PAIP1: variants seen among roughly 807,000 people sequenced by gnomAD.
PAIP1 encodes the protein poly(A) binding protein interacting protein 1, also known as polyadenylate-binding protein-interacting protein 1.
Under a neutral mutation model 61.3 loss-of-function variants are expected in PAIP1, and 16 were observed. The ratio of observed to expected loss-of-function variants is 0.26; its 90% CI spans 0.18 to 0.40. The LOEUF is 0.40. Among genes scored for constraint, PAIP1 ranks in the 10% least tolerant of loss-of-function variants. PAIP1 has a pLI of 1.00. For synonymous variants in PAIP1, 187 were observed against 226.2 expected (o/e 0.83, Z 1.56); for missense variants, 416 against 600.9 (o/e 0.69, Z 3.22).
chr5:43,553,522 G>A (rs959268227), intron 2 of PAIP1, among the ~76,000 whole-genome samples: 4 of 152,144 alleles, frequency 2.6e-5, no homozygotes, highest in African/African-American at 9.7e-5. Flanking sequence ...ATAAGTACTT[G>A]ACTATTTGTT....
chr5:43,547,986 G>T, intron 2 of PAIP1, 73 bp from the exon 3 acceptor site: 1 of 870,622 alleles, frequency 1.1e-6, no homozygotes, highest in Non-Finnish European at 1.8e-6. Context: ...TATGTCTCTA[G>T]CACAAATGCT....
chr5:43,527,682 G>C (rs1746759554), intron 10 of PAIP1, among the ~76,000 whole-genome samples: 1 of 152,040 alleles, frequency 6.6e-6, no homozygotes, highest in East Asian at 1.9e-4. Context: ...CCTTGTGTGT[G>C]AAATTATAGT....
intron 3 of PAIP1, among the ~76,000 whole-genome samples, chr5:43,545,493 C>T (rs1361492243): frequency 6.6e-6 from 1 of 152,180 alleles, no homozygotes; most frequent in Non-Finnish European, 1.5e-5. Flanking sequence ...TTTTTAGATT[C>T]TCAAGCAATC....
chr5:43,542,766 C>T (rs571434358), intron 4 of PAIP1, among the ~76,000 whole-genome samples: 87 of 152,172 alleles, frequency 5.7e-4, no homozygotes, highest in African/African-American at 2.0e-3. Context: ...ATAAGAATTA[C>T]ATAAGTGTTT....
In PAIP1 at chr5:43,536,695, A is replaced by G. The variant is rs1044139637; in HGVS notation, c.972+124T>C. 3.2e-5 allele frequency: 16 copies of G among 500,248 alleles called. No homozygotes were observed. The African/African-American group carries it at 3.2e-4, about 10-fold the overall frequency. The allele number at this position is 500,248 out of a possible 1,614,324, so 31.0% of individuals were successfully genotyped here. A position where few individuals can be genotyped will look rare whatever the true frequency, so the allele number is the denominator to read the frequency against. On this transcript the variant is annotated intron_variant, in intron 6 of 10. Coordinates refer to ENST00000306846, the MANE Select transcript of PAIP1 (RefSeq NM_006451.5). The stretch of plus-strand genomic sequence containing the variant: ...GCTTTTCCAAAATATTCGAGAAAAA[A>G]GTAAAATGTCAATATTTACCTTAAA...
chr5:43,539,597 C>G (rs773316094), intron 4 of PAIP1, among the ~76,000 whole-genome samples: 2 of 151,952 alleles, frequency 1.3e-5, no homozygotes, highest in African/African-American at 2.4e-5. Context: ...CCATTAAAAC[C>G]ACAATATAGA....
At chr5:43,535,030 A>G (rs1369770104) in intron 7 of PAIP1, 60 bp from the exon 8 acceptor site, 1 of 871,114 alleles carries the variant, frequency 1.1e-6, no homozygotes, top group Non-Finnish European at 1.9e-6. Context: ...AGACCCTAAA[A>G]TATCTCAGAT....
At chr5:43,540,703 AG>A (rs1747364188) in intron 4 of PAIP1, among the ~76,000 whole-genome samples, 1 of 152,228 alleles carries the variant, frequency 6.6e-6, no homozygotes, top group South Asian at 2.1e-4. Flanking sequence ...TTAGCTCACT[AG>A]TATTTCTCTA....
intron 3 of PAIP1, among the ~76,000 whole-genome samples, chr5:43,545,414 T>C (rs940255093): frequency 3.9e-5 from 6 of 152,230 alleles, no homozygotes; most frequent in African/African-American, 1.4e-4. Flanking sequence ...CCTTTGTTAA[T>C]TTCATAAGAA....
chr5:43,553,974 C>T (rs1405045662), intron 2 of PAIP1, among the ~76,000 whole-genome samples: 1 of 152,140 alleles, frequency 6.6e-6, no homozygotes, highest in Non-Finnish European at 1.5e-5. Flanking sequence ...AAAGAAAAAA[C>T]AAACCCATTC....
chr5:43,527,491 A>C (rs750574487), intron 10 of PAIP1, 22 bp from the exon 11 acceptor site: 2 of 1,588,448 alleles, frequency 1.3e-6, no homozygotes, highest in Non-Finnish European at 8.6e-7. Flanking sequence ...AAGATGATTC[A>C]TAAGTGTAAG....
chr5:43,548,525 GC>G lies in PAIP1; in HGVS notation c.436-613del, dbSNP rs542852307. Among the ~76,000 whole-genome samples the G allele has an allele frequency of 2.6e-5, 4 of 152,318 alleles. No individual in the cohort carries two copies. In the South Asian group the frequency reaches 8.3e-4, roughly 32 times the overall value. ...ATAAATGGAAGGAGACCTTTTGGCT[GC>G]TACATCCAGGTTGCTAACACAACCT... On this transcript the variant is annotated intron_variant, in intron 2 of 10. Transcript: ENST00000306846.
At chr5:43,541,924 C>T (rs930101246) in intron 4 of PAIP1, among the ~76,000 whole-genome samples, 4 of 152,048 alleles carry the variant, frequency 2.6e-5, no homozygotes, top group African/African-American at 9.7e-5. Context: ...CGCCTGTAAT[C>T]CCAGCACTTT....
In PAIP1 at chr5:43,531,656, C is replaced by CAAAAAAAAAAAA. The variant is rs369954867; in HGVS notation, c.1253-1789_1253-1778dup. Among the ~76,000 whole-genome samples the CAAAAAAAAAAAA allele has an allele frequency of 5.2e-4, 31 of 59,866 alleles. 5 individuals are homozygous for CAAAAAAAAAAAA. The East Asian group carries it at 0.013, about 26-fold the overall frequency. The allele number at this position is 59,866 out of a possible 152,430, so 39.3% of individuals were successfully genotyped here. A position where few individuals can be genotyped will look rare whatever the true frequency, so the allele number is the denominator to read the frequency against. On this transcript the variant is annotated intron_variant, in intron 9 of 10. Transcript: ENST00000306846. ...TGGGTAACAGAGTGAGACTCTGTCT[C>CAAAAAAAAAAAA]AAAAAAAAAAAAAAAAAAAAAGAGA...
At position 43,526,286 on chromosome 5, in the gene PAIP1, T is replaced by TA. The variant is rs1220660085; in HGVS notation, c.*1089dup. 2 of 152,584 alleles carry TA rather than the reference T, an allele frequency of 1.3e-5. No homozygotes were observed. The highest frequency in any genetic ancestry group is 2.9e-5 in the Non-Finnish European group (2 of 68,018). The allele number at this position is 152,584 out of a possible 1,614,324, so 9.5% of individuals were successfully genotyped here. Reference sequence around the variant, plus strand: ...CAAAAATTTAGAGGAAACAACTATTTAAGCTTTATTTTCAAAGTCTAATTT... The same window carrying TA: ...CAAAAATTTAGAGGAAACAACTATTTAAAGCTTTATTTTCAAAGTCTAATTT... On this transcript the variant is annotated 3_prime_UTR_variant, in exon 11 of 11. Transcript: ENST00000306846.
intron 5 of PAIP1, 116 bp downstream of exon 5, chr5:43,538,808 C>G: frequency 1.6e-6 from 1 of 637,074 alleles, no homozygotes; most frequent in South Asian, 2.0e-5. Flanking sequence ...TTTCTTTCCT[C>G]TCTCTTTCAT....
intron 4 of PAIP1, among the ~76,000 whole-genome samples, chr5:43,541,288 C>CT (rs777778938): frequency 0.27 from 6,691 of 25,146 alleles, 979 homozygotes; most frequent in East Asian, 0.58. Flanking sequence ...CCACGCCCAG[C>CT]TTTTTTTTTT....
chr5:43,550,837 CAA>C (rs373730839), intron 2 of PAIP1, among the ~76,000 whole-genome samples: 1,764 of 49,576 alleles, frequency 0.036, 13 homozygotes, highest in African/African-American at 0.11. Context: ...AAATATACTA[CAA>C]AAAAAAAAAA....
Position 43,536,812 on chromosome 5 carries a change from A to AG in PAIP1, c.972+6_972+7insC. 1 of 1,444,774 alleles carries AG rather than the reference A, an allele frequency of 6.9e-7. No homozygotes were observed. Among genetic ancestry groups the AG allele is most frequent in the South Asian group, 1.2e-5 (1 of 80,776 alleles). The allele number at this position is 1,444,774 out of a possible 1,614,324, so 89.5% of individuals were successfully genotyped here. The stretch of plus-strand genomic sequence containing the variant: ...GTAAATTAGTTAAATTAAAAAAAAA[A>AG]ACCTACCTTTAACAATTTTACTGCA... On this transcript the variant is annotated splice_region_variant and intron_variant, in intron 6 of 10. Transcript: ENST00000306846.
Sources: gnomAD v4.1 joint callset for allele counts (sites outside exome capture counted in the v4.1 genomes callset) on GRCh38, gnomAD v4.1.1 for gene constraint, MANE v1.5 for transcripts, NCBI Gene and HGNC (gene_info 2026-07-23, HGNC 2026-07-21) for gene names.